TENM3: variants seen among roughly 807,000 people sequenced by gnomAD.
TENM3 encodes teneurin-3.
In TENM3, 63 loss-of-function variants were observed where a neutral mutation model predicts 255.1. That is an observed-to-expected ratio of 0.25 (90% CI 0.20 to 0.30). The LOEUF is 0.30. Ranked by LOEUF, TENM3 falls within the 10% of genes least tolerant of loss-of-function variation. The pLI, the probability that TENM3 is intolerant of heterozygous loss-of-function variation, is 1.00. For missense variants in TENM3, 2,929 were observed against 3,461.1 expected (o/e 0.85, Z 3.86); for synonymous variants, 1,306 against 1,322.3 (o/e 0.99, Z 0.27).
At chr4:181,682,345 C>G in the TENM3 span, among the ~76,000 whole-genome samples, 2,218 of 152,158 alleles carry the variant, frequency 0.015, 49 homozygotes, top group African/African-American at 0.051. Flanking sequence ...ACATTTTTCC[C>G]TGTCTTTTTC....
At chr4:182,261,396 C>T (rs1490673462) in intron 1 of TENM3, among the ~76,000 whole-genome samples, 4 of 152,088 alleles carry the variant, frequency 2.6e-5, no homozygotes, top group East Asian at 3.9e-4. Flanking sequence ...GTTCCGGCAT[C>T]GTGAGGGTGA....
the TENM3 span, among the ~76,000 whole-genome samples, chr4:181,764,013 T>A: frequency 6.6e-6 from 1 of 152,134 alleles, no homozygotes; most frequent in Non-Finnish European, 1.5e-5. Flanking sequence ...AATGAGTAAT[T>A]TTTACTATTC....
intron 1 of TENM3, among the ~76,000 whole-genome samples, chr4:182,316,327 C>T (rs912878297): frequency 6.6e-6 from 1 of 152,048 alleles, no homozygotes; most frequent in African/African-American, 2.4e-5. Context: ...GAAGCAAGAA[C>T]TTTCTGAGTA....
At chr4:181,525,093 C>G in the TENM3 span, among the ~76,000 whole-genome samples, 1 of 152,076 alleles carries the variant, frequency 6.6e-6, no homozygotes, top group African/African-American at 2.4e-5. Flanking sequence ...GAAAGTTTGA[C>G]AGGTCAGTGC....
the TENM3 span, among the ~76,000 whole-genome samples, chr4:181,608,547 G>C: frequency 6.6e-6 from 1 of 152,064 alleles, no homozygotes; most frequent in East Asian, 1.9e-4. Context: ...CTAATGCCTT[G>C]GATTGGACCG....
chr4:182,322,391 T>C (rs1456419837), intron 1 of TENM3, among the ~76,000 whole-genome samples: 2 of 152,082 alleles, frequency 1.3e-5, no homozygotes, highest in Non-Finnish European at 2.9e-5. Context: ...GAGGAGGGTA[T>C]AATTTGGTTG....
At chr4:182,377,256 CA>C (rs1767235338) in intron 3 of TENM3, among the ~76,000 whole-genome samples, 1 of 152,166 alleles carries the variant, frequency 6.6e-6, no homozygotes, top group Non-Finnish European at 1.5e-5. Flanking sequence ...CTTTGTTCAA[CA>C]ATCAAATTTT....
the TENM3 span, among the ~76,000 whole-genome samples, chr4:181,908,149 G>GA: frequency 1.7e-4 from 25 of 151,112 alleles, no homozygotes; most frequent in South Asian, 6.3e-4. Flanking sequence ...TTTCTTTGCT[G>GA]AAAAAAAAAT....
chr4:181,532,614 T>A, the TENM3 span, among the ~76,000 whole-genome samples: 1 of 152,214 alleles, frequency 6.6e-6, no homozygotes, highest in African/African-American at 2.4e-5. Context: ...TATCTTATAC[T>A]TGTATCAAGT....
chr4:182,541,624 T>A (rs867510188), intron 3 of TENM3, among the ~76,000 whole-genome samples: 1 of 152,340 alleles, frequency 6.6e-6, no homozygotes, highest in African/African-American at 2.4e-5. Flanking sequence ...AGCTGTGTTT[T>A]CATACCAGAA....
At chr4:181,684,449 T>C in the TENM3 span, among the ~76,000 whole-genome samples, 1 of 152,290 alleles carries the variant, frequency 6.6e-6, no homozygotes, top group Non-Finnish European at 1.5e-5. Flanking sequence ...TTCACTTAAA[T>C]CATCTCTTGA....
At chr4:182,766,274 C>T (rs928329165) in intron 22 of TENM3, among the ~76,000 whole-genome samples, 3 of 152,060 alleles carry the variant, frequency 2.0e-5, no homozygotes, top group Non-Finnish European at 2.9e-5. Flanking sequence ...AAATTTTCCT[C>T]GCCATCAGCT....
At chr4:182,128,096 T>A in the TENM3 span, among the ~76,000 whole-genome samples, 7 of 152,112 alleles carry the variant, frequency 4.6e-5, no homozygotes. Flanking sequence ...CCAAATAATA[T>A]TATTAATGAT....
chr4:182,071,449 C>CTT, the TENM3 span, among the ~76,000 whole-genome samples: 706 of 139,456 alleles, frequency 5.1e-3, 7 homozygotes, highest in African/African-American at 0.017. Flanking sequence ...TTTTTCTTTT[C>CTT]TTTTTTTTTT....
chr4:182,535,173 C>T (rs891894787), intron 3 of TENM3, among the ~76,000 whole-genome samples: 1 of 152,178 alleles, frequency 6.6e-6, no homozygotes, highest in African/African-American at 2.4e-5. Context: ...AGATCTGCCT[C>T]AGGAAATCCT....
chr4:181,948,419 A>C, the TENM3 span, among the ~76,000 whole-genome samples: 1 of 151,916 alleles, frequency 6.6e-6, no homozygotes, highest in East Asian at 1.9e-4. Context: ...ATAGAAAATA[A>C]TTTTTTCTGT....
At chr4:181,973,340 G>A in the TENM3 span, among the ~76,000 whole-genome samples, 8 of 151,978 alleles carry the variant, frequency 5.3e-5, no homozygotes, top group African/African-American at 1.9e-4. Context: ...CAAACAGTAA[G>A]CATGACAACT....
At chr4:182,062,580 C>T in the TENM3 span, among the ~76,000 whole-genome samples, 7 of 152,266 alleles carry the variant, frequency 4.6e-5, no homozygotes, top group East Asian at 1.3e-3. Context: ...TGAAACAAAA[C>T]CTTTCCATGA....
At chr4:182,206,915 C>A (rs1250171767) in intron 1 of TENM3, among the ~76,000 whole-genome samples, 1 of 152,102 alleles carries the variant, frequency 6.6e-6, no homozygotes, top group East Asian at 1.9e-4. Context: ...TTCCTATCTA[C>A]TATTATTATC....
Sources: gnomAD v4.1 joint callset for allele counts (sites outside exome capture counted in the v4.1 genomes callset) on GRCh38, gnomAD v4.1.1 for gene constraint, MANE v1.5 for transcripts, NCBI Gene and HGNC (gene_info 2026-07-23, HGNC 2026-07-21) for gene names.